Variants in ADK observed in about 807,000 individuals in gnomAD.
ADK encodes the protein N6,N6-dimethyladenosine kinase.
In ADK, 24 loss-of-function variants were observed where a neutral mutation model predicts 44.7. That is an observed-to-expected ratio of 0.54 (90% confidence interval 0.39 to 0.76). The LOEUF is 0.76. Ranked by LOEUF, ADK falls within the 30% of genes least tolerant of loss-of-function variation. The probability of loss-of-function intolerance (pLI) is 0.00; values close to 1 mark genes in which losing one functional copy is unlikely to be tolerated. For missense variants in ADK, 321 were observed against 425.1 expected (o/e 0.76, Z 2.15); for synonymous variants, 128 against 142.6 (o/e 0.90, Z 0.73).
chr10:74,356,683 T>G (rs1261745415), intron 4 of ADK, among the ~76,000 whole-genome samples: 1 of 152,228 alleles, frequency 6.6e-6, no homozygotes, highest in Admixed American at 6.5e-5. Context: ...TTTTCTATAC[T>G]TTAGTCACCC....
At chr10:74,612,544 T>A (rs2133999854) in intron 9 of ADK, among the ~76,000 whole-genome samples, 1 of 152,284 alleles carries the variant, frequency 6.6e-6, no homozygotes, top group South Asian at 2.1e-4. Flanking sequence ...CCTTTATTGG[T>A]TGCATAGTTA....
At chr10:74,198,126 G>A (rs1220462818) in intron 1 of ADK, among the ~76,000 whole-genome samples, 2 of 150,746 alleles carry the variant, frequency 1.3e-5, no homozygotes, top group African/African-American at 5.0e-5. Flanking sequence ...GTTTTGTTTT[G>A]TTTTTTAAAT....
intron 6 of ADK, among the ~76,000 whole-genome samples, chr10:74,515,544 T>C (rs1009274393): frequency 6.6e-6 from 1 of 152,156 alleles, no homozygotes; most frequent in Non-Finnish European, 1.5e-5. Flanking sequence ...TTGGAGATAT[T>C]CCCTGTGGCA....
rs374790573 is a variant in ADK, at chr10:74,417,923, A to G, written c.555+19344A>G. 5.1e-4 allele frequency among the ~76,000 whole-genome samples: 78 copies of G among 152,230 alleles called. 1 individual carries two copies. Among genetic ancestry groups the G allele is most frequent in the Middle Eastern group, 6.8e-3 (2 of 294 alleles). ...TATATCAAAACATATTTTGAATTCT[A>G]TATTCTTAGTGTTGGGTGTTCATGT... On this transcript the variant is annotated intron_variant, in intron 6 of 10. Coordinates refer to ENST00000539909, the MANE Select transcript of ADK (RefSeq NM_006721.4).
At chr10:74,516,852 A>AGT (rs1479603141) in intron 6 of ADK, 2 of 159,630 alleles carry the variant, frequency 1.3e-5, no homozygotes, top group East Asian at 3.7e-4. Flanking sequence ...TCTGCATAGT[A>AGT]GTGTGTGTAT....
rs941858648 is a variant in ADK, at chr10:74,573,159, G to A, written c.727-16123G>A. Among the ~76,000 whole-genome samples the A allele has an allele frequency of 1.3e-3, 196 of 151,946 alleles. 3 individuals are homozygous for A. Among genetic ancestry groups the A allele is most frequent in the Non-Finnish European group, 1.6e-3 (106 of 67,976 alleles). On this transcript the variant is annotated intron_variant, in intron 7 of 10. Transcript: ENST00000539909. ...TTATCTACTTTTGGTCTTTGATGATGGTGATGTACAGACGGGTTTTTGGTG... is the reference window on the plus strand; with the variant it reads ...TTATCTACTTTTGGTCTTTGATGATAGTGATGTACAGACGGGTTTTTGGTG...
intron 7 of ADK, among the ~76,000 whole-genome samples, chr10:74,547,909 CAGCCTCCCAA>C (rs1216426309): frequency 1.3e-5 from 2 of 152,184 alleles, no homozygotes; most frequent in Admixed American, 1.3e-4. Context: ...CTCCCTGCCT[CAGCCTCCCAA>C]AGTGCTGGGA....
chr10:74,342,615 A>T (rs994810796), intron 4 of ADK, among the ~76,000 whole-genome samples: 3 of 152,196 alleles, frequency 2.0e-5, no homozygotes, highest in Middle Eastern at 6.8e-3. Flanking sequence ...TGAGACCACT[A>T]GACATGCACC....
At chr10:74,339,622 T>A (rs539020212) in intron 4 of ADK, among the ~76,000 whole-genome samples, 1 of 152,312 alleles carries the variant, frequency 6.6e-6, no homozygotes, top group East Asian at 1.9e-4. Flanking sequence ...ATTTTACAGA[T>A]GCAAAAAGTG....
chr10:74,543,491 A>AT (rs1344788518), intron 7 of ADK, among the ~76,000 whole-genome samples: 3 of 152,220 alleles, frequency 2.0e-5, no homozygotes, highest in African/African-American at 7.2e-5. Context: ...TTGTTCATAC[A>AT]TATTTCTTGG....
rs748882989 is a variant in ADK at position 74,414,223 on chromosome 10, TA to T, written c.555+15649del. The stretch of plus-strand genomic sequence containing the variant: ...ACCTTCGATTTGTAAAAAAAAATAA[TA>T]AAAAGGTATCTGTGAAGTGCAATAA... On this transcript the variant is annotated intron_variant, in intron 6 of 10. Transcript: ENST00000539909. Among the ~76,000 whole-genome samples the T allele has an allele frequency of 1.3e-4, 20 of 152,170 alleles. 1 individual carries two copies. The South Asian group carries it at 2.9e-3, about 22-fold the overall frequency.
chr10:74,281,356 G>T (rs1452304383), intron 3 of ADK, among the ~76,000 whole-genome samples: 2 of 152,230 alleles, frequency 1.3e-5, no homozygotes, highest in East Asian at 3.8e-4. Context: ...TTGATAGTGA[G>T]TGGCCTTGAG....
chr10:74,291,952 G>A (rs1300248896), intron 3 of ADK, among the ~76,000 whole-genome samples: 6 of 152,126 alleles, frequency 3.9e-5, no homozygotes, highest in African/African-American at 1.4e-4. Context: ...TAAAGTCCTA[G>A]AGTTCAGATT....
chr10:74,632,611 A>C (rs535501170), intron 9 of ADK, among the ~76,000 whole-genome samples: 10 of 147,286 alleles, frequency 6.8e-5, no homozygotes, highest in African/African-American at 2.5e-4. Flanking sequence ...TTCTGTGCCC[A>C]CTCCTTTTAT....
At chr10:74,503,897 G>T (rs1264753855) in intron 6 of ADK, among the ~76,000 whole-genome samples, 1 of 151,976 alleles carries the variant, frequency 6.6e-6, no homozygotes, top group Non-Finnish European at 1.5e-5. Flanking sequence ...ATCTTGTCAG[G>T]GTCCATCTCT....
chr10:74,352,992 A>G (rs1396017995), intron 4 of ADK, among the ~76,000 whole-genome samples: 2 of 152,228 alleles, frequency 1.3e-5, no homozygotes, highest in African/African-American at 4.8e-5. Context: ...CAACCGCTGT[A>G]GAAGACAGTG....
intron 7 of ADK, among the ~76,000 whole-genome samples, chr10:74,548,052 A>G (rs2133764286): frequency 6.6e-6 from 1 of 152,298 alleles, no homozygotes; most frequent in African/African-American, 2.4e-5. Context: ...TTGGCCTCCC[A>G]AAGTGCTGGG....
chr10:74,681,167 GTGTT>G (rs993097478), intron 10 of ADK, among the ~76,000 whole-genome samples: 7 of 152,116 alleles, frequency 4.6e-5, no homozygotes, highest in African/African-American at 1.7e-4. Context: ...ATCATTTAGA[GTGTT>G]TGTGCTGAAA....
Position 74,604,695 on chromosome 10 carries a change from T to C in ADK, c.877+4202T>C, listed in dbSNP as rs4746208. 2.9e-3 allele frequency among the ~76,000 whole-genome samples: 439 copies of C among 152,332 alleles called. 5 individuals are homozygous for C. Among genetic ancestry groups the C allele is most frequent in the African/African-American group, 9.9e-3 (411 of 41,562 alleles). On this transcript the variant is annotated intron_variant, in intron 9 of 10. Transcript: ENST00000539909. ...TTTGAAGTCAGGTTAGCATGATGCC[T>C]CCAGCTTTGTTCTTTTTGCTTAGGA...
Sources: allele counts gnomAD v4.1 joint callset (sites outside exome capture counted in the v4.1 genomes callset), GRCh38; gene constraint gnomAD v4.1.1; transcripts MANE v1.5; gene names NCBI Gene and HGNC (gene_info 2026-07-23, HGNC 2026-07-21).